The following PUM1 variants were observed in gnomAD, a reference collection of about 807,000 sequenced individuals.
PUM1 encodes pumilio homolog 1.
A neutral mutation model predicts 131.8 loss-of-function variants in PUM1; 13 were observed. The ratio of observed to expected loss-of-function variants is 0.10; its 90% confidence interval spans 0.06 to 0.16. The LOEUF (loss-of-function observed/expected upper bound fraction) is 0.16, where lower values mean the gene tolerates loss of function less well. Among genes scored for constraint, PUM1 ranks in the 10% least tolerant of loss-of-function variants. The pLI is 1.00. For synonymous variants in PUM1, 509 were observed against 556.5 expected (o/e 0.91, Z 1.20); for missense variants, 961 against 1,512.4 (o/e 0.64, Z 6.05).
intron 3 of PUM1, among the ~76,000 whole-genome samples, chr1:31,016,026 C>T (rs1642805575): frequency 6.6e-6 from 1 of 152,152 alleles, no homozygotes; most frequent in Non-Finnish European, 1.5e-5. Context: ...AAGAAGAGAG[C>T]TCATGTCCTA....
intron 17 of PUM1, among the ~76,000 whole-genome samples, chr1:30,948,639 T>C: frequency 6.6e-6 from 1 of 152,106 alleles, no homozygotes; most frequent in East Asian, 1.9e-4. Context: ...TAGTTCCAGC[T>C]ACTCAGGAGG....
Position 31,056,609 on chromosome 1 carries a change from CTTTTTTTTTTTTTTTTT to C in PUM1, c.363+2578_363+2594del, listed in dbSNP as rs57685772. Among the ~76,000 whole-genome samples, 184 of 43,710 alleles carry C rather than the reference CTTTTTTTTTTTTTTTTT, an allele frequency of 4.2e-3. 1 individual carries two copies. The highest frequency in any genetic ancestry group is 5.6e-3 in the Non-Finnish European group (139 of 24,874). The allele number at this position is 43,710 out of a possible 152,430, so 28.7% of individuals were successfully genotyped here. ...CAGCTGAAAACCTTCCTTTTCTTTTCTTTTTTTTTTTTTTTTTTTTTTTTTTTTTTTTTTTGAGACAG... is the reference window on the plus strand; with the variant it reads ...CAGCTGAAAACCTTCCTTTTCTTTTCTTTTTTTTTTTTTTTTTTGAGACAG... On this transcript the variant is annotated intron_variant, in intron 2 of 21. Transcript: ENST00000426105.
chr1:31,039,813 C>T (rs1244588351), intron 2 of PUM1, among the ~76,000 whole-genome samples: 2 of 152,032 alleles, frequency 1.3e-5, no homozygotes, highest in Non-Finnish European at 2.9e-5. Context: ...GCAGGATAAT[C>T]GCTTGAACCC....
intron 5 of PUM1, among the ~76,000 whole-genome samples, chr1:31,001,461 CT>C (rs1642209688): frequency 6.6e-6 from 1 of 152,246 alleles, no homozygotes; most frequent in Non-Finnish European, 1.5e-5. Context: ...AAATCTGATC[CT>C]TTTGTGAGGA....
chr1:30,943,472 G>A (rs1022406603), intron 18 of PUM1, among the ~76,000 whole-genome samples: 4 of 151,968 alleles, frequency 2.6e-5, no homozygotes, highest in Admixed American at 6.6e-5. Context: ...GGCTGGTCTC[G>A]AACTCCTGAC....
intron 2 of PUM1, among the ~76,000 whole-genome samples, chr1:31,055,899 C>T (rs1206317264): frequency 6.6e-6 from 1 of 152,146 alleles, no homozygotes; most frequent in Non-Finnish European, 1.5e-5. Flanking sequence ...ACCCATCAGT[C>T]TATCATTAGG....
chr1:30,950,910 G>A (rs1167580619), intron 16 of PUM1, among the ~76,000 whole-genome samples: 1 of 152,172 alleles, frequency 6.6e-6, no homozygotes, highest in Non-Finnish European at 1.5e-5. Context: ...TGGACACACT[G>A]TTTTGAAATA....
At chr1:30,951,270 T>C (rs759723926) in intron 16 of PUM1, among the ~76,000 whole-genome samples, 2 of 152,156 alleles carry the variant, frequency 1.3e-5, no homozygotes, top group Non-Finnish European at 2.9e-5. Flanking sequence ...AGTATTTTTA[T>C]ATATGTGACA....
intron 20 of PUM1, among the ~76,000 whole-genome samples, chr1:30,937,649 T>C (rs1354755481): frequency 1.3e-5 from 2 of 151,984 alleles, no homozygotes; most frequent in Non-Finnish European, 2.9e-5. Flanking sequence ...ACATCAGAAA[T>C]AAAATTTACT....
chr1:30,995,699 C>T (rs1225407654), intron 5 of PUM1, among the ~76,000 whole-genome samples: 1 of 152,144 alleles, frequency 6.6e-6, no homozygotes, highest in Non-Finnish European at 1.5e-5. Context: ...GTAAATTCCT[C>T]CCTTACTTCT....
At chr1:30,957,221 T>C (rs1258919428) in intron 14 of PUM1, among the ~76,000 whole-genome samples, 2 of 152,170 alleles carry the variant, frequency 1.3e-5, no homozygotes, top group Non-Finnish European at 2.9e-5. Flanking sequence ...CACAGACATA[T>C]TTTGTTTGAG....
At chr1:31,032,081 GAGTTTTGCT>G (rs1190388991) in intron 2 of PUM1, among the ~76,000 whole-genome samples, 1 of 152,188 alleles carries the variant, frequency 6.6e-6, no homozygotes, top group Non-Finnish European at 1.5e-5. Flanking sequence ...CAACTTCTAA[GAGTTTTGCT>G]AGTGCAGAAA....
intron 3 of PUM1, among the ~76,000 whole-genome samples, chr1:31,010,042 A>G (rs191261545): frequency 5.2e-4 from 79 of 152,286 alleles, no homozygotes; most frequent in Non-Finnish European, 8.4e-4. Flanking sequence ...TTCTCTCAAA[A>G]GGAAACAACA....
At chr1:30,957,696 G>A (rs1043116645) in intron 14 of PUM1, among the ~76,000 whole-genome samples, 2 of 152,166 alleles carry the variant, frequency 1.3e-5, no homozygotes, top group African/African-American at 2.4e-5. Flanking sequence ...CCCATGCTAC[G>A]TCAAATGTTA....
intron 7 of PUM1, among the ~76,000 whole-genome samples, chr1:30,983,908 A>AT (rs940190577): frequency 5.3e-5 from 8 of 151,892 alleles, no homozygotes; most frequent in African/African-American, 1.7e-4. Flanking sequence ...TGGGCTATAT[A>AT]TTTTTTTAAT....
chr1:31,009,774 A>AC (rs1261045878), intron 3 of PUM1, among the ~76,000 whole-genome samples: 14 of 146,788 alleles, frequency 9.5e-5, no homozygotes, highest in Middle Eastern at 3.5e-3. Context: ...TCTCAAAAAA[A>AC]AAAAAAAAAA....
At chr1:30,966,702 A>T (rs952675558) in intron 12 of PUM1, among the ~76,000 whole-genome samples, 22 of 152,214 alleles carry the variant, frequency 1.4e-4, no homozygotes, top group Non-Finnish European at 2.6e-4. Flanking sequence ...GTTCTTAATT[A>T]AAAAATAAAT....
chr1:31,053,530 T>C (rs1023375789), intron 2 of PUM1, among the ~76,000 whole-genome samples: 3 of 146,264 alleles, frequency 2.1e-5, no homozygotes, highest in African/African-American at 7.6e-5. Context: ...TGGAGTGCAG[T>C]GGCACAATCT....
At chr1:30,943,541 C>T (rs148348164) in intron 18 of PUM1, among the ~76,000 whole-genome samples, 5 of 152,256 alleles carry the variant, frequency 3.3e-5, no homozygotes, top group African/African-American at 4.8e-5. Flanking sequence ...TGTGAACCAC[C>T]GTGCCCGGCC....
Sources: allele counts gnomAD v4.1 joint callset (sites outside exome capture counted in the v4.1 genomes callset), GRCh38; gene constraint gnomAD v4.1.1; transcripts MANE v1.5; gene names NCBI Gene and HGNC (gene_info 2026-07-23, HGNC 2026-07-21).